The following MICAL3 variants were observed in gnomAD, a reference collection of about 807,000 sequenced individuals.
The protein encoded by MICAL3 is [F-actin]-monooxygenase MICAL3.
MICAL3 carries 62 observed loss-of-function variants against 207.4 expected under a neutral mutation model. That is an observed-to-expected ratio of 0.30 (90% confidence interval 0.24 to 0.37). The LOEUF is 0.37. Among genes scored for constraint, MICAL3 ranks in the 10% least tolerant of loss-of-function variants. The probability of loss-of-function intolerance (pLI) is 1.00; values close to 1 mark genes in which losing one functional copy is unlikely to be tolerated. For missense variants in MICAL3, 2,368 were observed against 2,635.6 expected, an observed-to-expected ratio of 0.90 and a Z score of 2.22; for synonymous variants, 1,077 against 1,069.3, an observed-to-expected ratio of 1.01 and a Z score of -0.14.
chr22:17,962,761 C>T (rs1004725127), intron 1 of MICAL3, among the ~76,000 whole-genome samples: 1 of 141,278 alleles, frequency 7.1e-6, no homozygotes, highest in East Asian at 1.9e-4. Flanking sequence ...TAAAAACCAG[C>T]TGCTGGTGTT....
chr22:17,989,087 G>A (rs905071827), intron 1 of MICAL3, among the ~76,000 whole-genome samples: 17 of 152,122 alleles, frequency 1.1e-4, no homozygotes, highest in African/African-American at 3.6e-4. Flanking sequence ...GACTTCCGCC[G>A]TCGCTCTGTG....
At chr22:17,805,731 A>T (rs1433533629) in intron 29 of MICAL3, among the ~76,000 whole-genome samples, 1 of 152,058 alleles carries the variant, frequency 6.6e-6, no homozygotes, top group African/African-American at 2.4e-5. Flanking sequence ...ACCACCTTCA[A>T]ATGTTTTTGT....
intron 1 of MICAL3, among the ~76,000 whole-genome samples, chr22:17,981,857 C>T (rs1361698292): frequency 2.0e-5 from 3 of 152,120 alleles, no homozygotes; most frequent in Non-Finnish European, 4.4e-5. Flanking sequence ...GGTGAGGTAG[C>T]CCACACCTGC....
intron 16 of MICAL3, among the ~76,000 whole-genome samples, chr22:17,883,081 T>A (rs1602140803): frequency 6.6e-6 from 1 of 152,198 alleles, no homozygotes; most frequent in African/African-American, 2.4e-5. Flanking sequence ...GTAAGAGGTT[T>A]TGGAATCCAA....
At chr22:17,827,079 G>A (rs372280019) in intron 22 of MICAL3, among the ~76,000 whole-genome samples, 2 of 152,116 alleles carry the variant, frequency 1.3e-5, no homozygotes, top group African/African-American at 2.4e-5. Flanking sequence ...CAGTCTCCAC[G>A]GTCCTTCTCT....
At position 17,850,232 on chromosome 22, in the gene MICAL3, A is replaced by AC. The variant is rs1925149200; in HGVS notation, c.2606-8216dup. Among the ~76,000 whole-genome samples the AC allele has an allele frequency of 2.0e-5, 3 of 151,998 alleles. No individual in the cohort carries two copies. The South Asian group carries it at 6.2e-4, about 32-fold the overall frequency. The stretch of plus-strand genomic sequence containing the variant: ...ACAAACCAGTTCTGTACCAGGGAAA[A>AC]CCACCCAAATGGGAGGGGGGCCACC... On this transcript the variant is annotated intron_variant, in intron 19 of 31. Transcript: ENST00000441493.
intron 1 of MICAL3, among the ~76,000 whole-genome samples, chr22:17,940,411 G>A (rs1042706798): frequency 2.0e-5 from 3 of 152,102 alleles, no homozygotes; most frequent in Non-Finnish European, 4.4e-5. Context: ...TCTGAAGAAG[G>A]AAGGAAGGAG....
intron 1 of MICAL3, chr22:18,007,349 T>C (rs529553813): frequency 2.0e-5 from 3 of 152,366 alleles, no homozygotes; most frequent in South Asian, 2.1e-4. Context: ...CAAAATTTGA[T>C]CAAACTGCTT....
intron 1 of MICAL3, among the ~76,000 whole-genome samples, chr22:17,985,896 CTT>C (rs949730503): frequency 1.8e-4 from 27 of 149,476 alleles, no homozygotes; most frequent in Middle Eastern, 6.9e-3. Context: ...AAGAATCACT[CTT>C]GTTTTTTGTT....
intron 19 of MICAL3, among the ~76,000 whole-genome samples, chr22:17,847,201 C>T (rs1312051309): frequency 2.0e-5 from 3 of 152,210 alleles, no homozygotes; most frequent in African/African-American, 4.8e-5. Flanking sequence ...CACTTCAGGG[C>T]TCCGCGCCGC....
intron 1 of MICAL3, among the ~76,000 whole-genome samples, chr22:17,944,137 G>GT (rs1371090060): frequency 2.0e-5 from 3 of 152,152 alleles, no homozygotes; most frequent in Admixed American, 2.0e-4. Flanking sequence ...TTCAAACAGG[G>GT]TTCCACTCCA....
chr22:17,974,594 C>T (rs901795797), intron 1 of MICAL3, among the ~76,000 whole-genome samples: 8 of 152,026 alleles, frequency 5.3e-5, no homozygotes, highest in East Asian at 3.9e-4. Flanking sequence ...CATGGTGGCA[C>T]GCACCTGTAA....
At position 17,790,375 on chromosome 22, in the gene MICAL3, C is replaced by T. The variant is rs1020580508; in HGVS notation, c.*357G>A. 5.0e-5 allele frequency: 13 copies of T among 257,582 alleles called. No homozygotes were observed. The highest frequency in any genetic ancestry group is 1.6e-4 in the East Asian group (2 of 12,294). 16.0% of individuals were successfully genotyped at this position (257,582 alleles called of 1,614,324 possible). A position where few individuals can be genotyped will look rare whatever the true frequency, so the allele number is the denominator to read the frequency against. On this transcript the variant is annotated 3_prime_UTR_variant, in exon 32 of 32. Transcript: ENST00000441493. ...CTCGCACGGCGCACTGTGGTTCTGA[C>T]GGGGAGCAGCTTCCCTCTCTTACCA...
In MICAL3 at chr22:17,902,102, A is replaced by G. The variant is rs1931369241; in HGVS notation, c.590-123T>C. 1 of 672,110 alleles carries G rather than the reference A, an allele frequency of 1.5e-6. No homozygotes were observed. Among genetic ancestry groups the G allele is most frequent in the African/African-American group, 1.8e-5 (1 of 55,918 alleles). 41.6% of individuals were successfully genotyped at this position (672,110 alleles called of 1,614,324 possible). ...CTGGGCCAAAAACACTATGTGTAGAAGCAGTGGAGACAGAGGCTGTGCACG... is the reference window on the plus strand; with the variant it reads ...CTGGGCCAAAAACACTATGTGTAGAGGCAGTGGAGACAGAGGCTGTGCACG... On this transcript the variant is annotated intron_variant, in intron 4 of 31. Transcript: ENST00000441493. The surrounding 1 kb of genome is among the most constrained non-coding windows in gnomAD (Gnocchi z 4.5).
intron 1 of MICAL3, among the ~76,000 whole-genome samples, chr22:18,023,340 A>G (rs1259124288): frequency 6.6e-6 from 1 of 152,016 alleles, no homozygotes; most frequent in Non-Finnish European, 1.5e-5. Context: ...ATTTCTAAAA[A>G]TCTCCCCAGC....
At chr22:17,850,470 G>T (rs1285438138) in intron 19 of MICAL3, among the ~76,000 whole-genome samples, 1 of 142,254 alleles carries the variant, frequency 7.0e-6, no homozygotes, top group East Asian at 2.1e-4. Context: ...GAGTGCAGTG[G>T]TGCGATCTTG....
intron 20 of MICAL3, among the ~76,000 whole-genome samples, chr22:17,839,093 T>G (rs892641418): frequency 7.0e-6 from 1 of 141,900 alleles, no homozygotes; most frequent in Non-Finnish European, 1.5e-5. Flanking sequence ...TCCTGAGTAG[T>G]TGGGATTACA....
At chr22:17,834,271 C>T in intron 20 of MICAL3, 1 of 1,098,210 alleles carries the variant, frequency 9.1e-7, no homozygotes, top group African/African-American at 1.7e-5. Context: ...ACCTACAGCT[C>T]AGCCAGTGGA....
At chr22:17,897,422 CAAAAAAA>C (rs71754131) in intron 7 of MICAL3, among the ~76,000 whole-genome samples, 1 of 41,798 alleles carries the variant, frequency 2.4e-5, no homozygotes, top group Non-Finnish European at 4.7e-5. Flanking sequence ...GACTCCAACT[CAAAAAAA>C]AAAAAAAAAA....
Sources: gnomAD v4.1 joint callset for allele counts (sites outside exome capture counted in the v4.1 genomes callset) on GRCh38, gnomAD v4.1.1 for gene constraint, Gnocchi (gnomAD v3.1) non-coding constraint, MANE v1.5 for transcripts, NCBI Gene and HGNC (gene_info 2026-07-23, HGNC 2026-07-21) for gene names.